Variants in CEACAM21 observed in about 807,000 individuals in gnomAD.
CEACAM21 encodes cell adhesion molecule CEACAM21.
In CEACAM21, 38 loss-of-function variants were observed where a neutral mutation model predicts 33.2. That is an observed-to-expected ratio of 1.14 (90% CI 0.88 to 1.50). The LOEUF (loss-of-function observed/expected upper bound fraction) is 1.50, where lower values mean the gene tolerates loss of function less well. Among genes scored for constraint, CEACAM21 ranks in the 40% most tolerant of loss-of-function variants. The pLI, the probability that CEACAM21 is intolerant of heterozygous loss-of-function variation, is 0.00. For synonymous variants in CEACAM21, 156 were observed against 143.0 expected (o/e 1.09, Z -0.65); for missense variants, 385 against 364.6 (o/e 1.06, Z -0.46).
At chr19:41,586,066 G>A in intron 6 of CEACAM21, 195 bp downstream of exon 6, 1 of 632,428 alleles carries the variant, frequency 1.6e-6, no homozygotes, top group Non-Finnish European at 2.8e-6. Flanking sequence ...CCCACCCTGG[G>A]ACCCTCCATC....
intron 6 of CEACAM21, 150 bp from the exon 7 acceptor site, chr19:41,586,314 G>A (rs375742185): frequency 3.5e-6 from 2 of 563,640 alleles, no homozygotes; most frequent in Admixed American, 2.2e-5. Flanking sequence ...ACAGGAGGTG[G>A]TGAGCAGAGG....
At chr19:41,582,747 C>T (rs1301884342) in intron 3 of CEACAM21, among the ~76,000 whole-genome samples, 2 of 152,166 alleles carry the variant, frequency 1.3e-5, no homozygotes, top group African/African-American at 2.4e-5. Context: ...GTCTCTAGGC[C>T]GCACACAGCA....
At chr19:41,581,901 C>T (rs559327644) in intron 3 of CEACAM21, among the ~76,000 whole-genome samples, 1 of 152,184 alleles carries the variant, frequency 6.6e-6, no homozygotes, top group African/African-American at 2.4e-5. Flanking sequence ...ATCTCATGTC[C>T]TCACATTTCA....
At chr19:41,586,060 C>A in intron 6 of CEACAM21, 189 bp downstream of exon 6, 1 of 636,354 alleles carries the variant, frequency 1.6e-6, no homozygotes, top group Non-Finnish European at 2.8e-6. Context: ...GCTAACCCCA[C>A]CCTGGGACCC....
chr19:41,559,541 A>G (rs2041742552), intron 1 of CEACAM21, among the ~76,000 whole-genome samples: 1 of 152,210 alleles, frequency 6.6e-6, no homozygotes, highest in African/African-American at 2.4e-5. Context: ...AAACAGGAAA[A>G]GAAATAAATA....
chr19:41,586,133 AC>A, intron 6 of CEACAM21: 1 of 601,534 alleles, frequency 1.7e-6, no homozygotes, highest in East Asian at 2.8e-5. Context: ...GTCCCCTGAC[AC>A]CCCTCTCTCC....
At chr19:41,561,869 A>T (rs1055145830) in intron 1 of CEACAM21, among the ~76,000 whole-genome samples, 1 of 152,246 alleles carries the variant, frequency 6.6e-6, no homozygotes, top group East Asian at 1.9e-4. Context: ...ACCCTTGGGG[A>T]TGTGTTTGAA....
At chr19:41,570,031 A>G (rs1274506003) in intron 2 of CEACAM21, among the ~76,000 whole-genome samples, 1 of 152,136 alleles carries the variant, frequency 6.6e-6, no homozygotes, top group East Asian at 1.9e-4. Context: ...AGCGGGCCCC[A>G]CAGCTGTCAG....
rs1373356283 is a variant in CEACAM21 at position 41,586,584 on chromosome 19, C to T, written c.*121C>T. On this transcript the variant is annotated 3_prime_UTR_variant, in exon 7 of 7. Transcript: ENST00000401445. ...ATGGAGCGTCCCTGAAGCCCCCAGCCCTGGGGATGGGGAAGGACATGGAGC... is the reference window on the plus strand; with the variant it reads ...ATGGAGCGTCCCTGAAGCCCCCAGCTCTGGGGATGGGGAAGGACATGGAGC... 8.3e-6 allele frequency: 5 copies of T among 601,448 alleles called. No homozygotes were observed. The highest frequency in any genetic ancestry group is 3.0e-4 in the Middle Eastern group (1 of 3,312). The allele number at this position is 601,448 out of a possible 1,614,324, so 37.3% of individuals were successfully genotyped here.
At position 41,581,306 on chromosome 19, in the gene CEACAM21, T is replaced by G. The variant is rs2043362483; in HGVS notation, c.700+1678T>G. ...TAACTAGCCCAACCTATTCCTTTAA[T>G]TCGGCCCATCCCTTGGTTTCCCATA... On this transcript the variant is annotated intron_variant, in intron 3 of 6. Coordinates refer to ENST00000401445, the MANE Select transcript of CEACAM21 (RefSeq NM_001098506.4). Among the ~76,000 whole-genome samples the G allele has an allele frequency of 2.0e-5, 3 of 152,276 alleles. No homozygotes were observed. The South Asian group carries it at 6.2e-4, about 31-fold the overall frequency.
chr19:41,572,160 T>G (rs911551264), upstream of CEACAM21, among the ~76,000 whole-genome samples: 1 of 152,148 alleles, frequency 6.6e-6, no homozygotes, highest in African/African-American at 2.4e-5. Flanking sequence ...AAAGTGACAT[T>G]AACGGTGAAC....
At position 41,580,814 on chromosome 19, in the gene CEACAM21, A is replaced by G. The variant is rs145349635; in HGVS notation, c.700+1186A>G. Among the ~76,000 whole-genome samples, 285 of 152,300 alleles carry G rather than the reference A, an allele frequency of 1.9e-3. 1 individual carries two copies. Among genetic ancestry groups the G allele is most frequent in the African/African-American group, 6.6e-3 (275 of 41,562 alleles). On this transcript the variant is annotated intron_variant, in intron 3 of 6. Coordinates refer to ENST00000401445, the MANE Select transcript of CEACAM21 (RefSeq NM_001098506.4). ...TCAATCATTGGCCATTAATTGATTC[A>G]TTGGTCATTGGTGATTAATTCAAAC... is the stretch of plus-strand genomic sequence containing the variant.
chr19:41,584,810 C>T (rs1076362), intron 4 of CEACAM21, among the ~76,000 whole-genome samples: 29,218 of 152,114 alleles, frequency 0.19, 3,380 homozygotes, highest in African/African-American at 0.32. Flanking sequence ...TCCTGGGCAT[C>T]ATCACATAGT....
intron 6 of CEACAM21, 132 bp from the exon 7 acceptor site, chr19:41,586,332 G>C: frequency 1.7e-6 from 1 of 592,164 alleles, no homozygotes; most frequent in South Asian, 1.4e-5. Context: ...AGGAGGGAGG[G>C]GCCTGGGAGC....
At chr19:41,576,925 A>G (rs1555791266) in intron 1 of CEACAM21, among the ~76,000 whole-genome samples, 1 of 152,196 alleles carries the variant, frequency 6.6e-6, no homozygotes, top group African/African-American at 2.4e-5. Context: ...GGCTTCACGA[A>G]AGAAGTCTCC....
At chr19:41,571,783 C>A (rs1195793548), upstream of CEACAM21, among the ~76,000 whole-genome samples, 6 of 152,184 alleles carry the variant, frequency 3.9e-5, no homozygotes, top group African/African-American at 1.4e-4. Flanking sequence ...CAGCCCTGGG[C>A]CTTCTCTGAA....
chr19:41,566,717 T>C (rs1316870757), intron 2 of CEACAM21, among the ~76,000 whole-genome samples: 1 of 152,204 alleles, frequency 6.6e-6, no homozygotes, highest in African/African-American at 2.4e-5. Context: ...CTTCTGAGAA[T>C]TGGTTGAGGA....
At chr19:41,562,299 T>G (rs1240448831) in intron 1 of CEACAM21, among the ~76,000 whole-genome samples, 1 of 149,154 alleles carries the variant, frequency 6.7e-6, no homozygotes, top group Non-Finnish European at 1.5e-5. Context: ...ATAAAGAAAG[T>G]TTTTTTTAAG....
upstream of CEACAM21, among the ~76,000 whole-genome samples, chr19:41,575,751 G>C (rs560714724): frequency 2.0e-5 from 3 of 152,086 alleles, no homozygotes; most frequent in Non-Finnish European, 4.4e-5. Flanking sequence ...TGAAGATAGC[G>C]GGTGGGTCCT....
Sources: allele counts gnomAD v4.1 joint callset (sites outside exome capture counted in the v4.1 genomes callset), GRCh38; gene constraint gnomAD v4.1.1; transcripts MANE v1.5; gene names NCBI Gene and HGNC (gene_info 2026-07-23, HGNC 2026-07-21).